FANCC: variants seen among roughly 807,000 people sequenced by gnomAD.
The protein encoded by FANCC is FA complementation group C, also known as Fanconi anemia group C protein.
FANCC carries 55 observed loss-of-function variants against 71.3 expected under a neutral mutation model. The ratio of observed to expected loss-of-function variants is 0.77; its 90% CI spans 0.62 to 0.97. The LOEUF is 0.97. Ranked by LOEUF, FANCC falls within the 50% of genes least tolerant of loss-of-function variation. FANCC has a pLI of 0.00. For synonymous variants in FANCC, 275 were observed against 244.9 expected, an observed-to-expected ratio of 1.12 and a Z score of -1.15; for missense variants, 678 against 670.9, an observed-to-expected ratio of 1.01 and a Z score of -0.12.
intron 1 of FANCC, among the ~76,000 whole-genome samples, chr9:95,297,107 C>T (rs916922765): frequency 6.6e-6 from 1 of 152,322 alleles, no homozygotes; most frequent in African/African-American, 2.4e-5. Flanking sequence ...AGAGACCTGA[C>T]ACTGAGAACT....
rs1825707101 is a variant in FANCC at position 95,171,967 on chromosome 9, CATTTA to C, written c.456+65_456+69del. The C allele has an allele frequency of 6.3e-6, 6 of 952,728 alleles. No homozygotes were observed. The African/African-American group carries it at 9.8e-5, about 16-fold the overall frequency. The allele number at this position is 952,728 out of a possible 1,614,324, so 59.0% of individuals were successfully genotyped here. On this transcript the variant is annotated intron_variant, in intron 5 of 14. Coordinates refer to ENST00000289081, the MANE Select transcript of FANCC (RefSeq NM_000136.3). ...CTCTTCTGGAGGACTGAAATATTTC[CATTTA>C]CTCTTTTTGCTGATGGCACATTCAG...
chr9:95,237,430 C>T (rs1830386253), intron 4 of FANCC, among the ~76,000 whole-genome samples: 1 of 152,200 alleles, frequency 6.6e-6, no homozygotes, highest in African/African-American at 2.4e-5. Flanking sequence ...TGTTTCCCTC[C>T]ACCTCTCACT....
chr9:95,248,408 T>C (rs1196639466), intron 2 of FANCC, among the ~76,000 whole-genome samples: 2 of 152,328 alleles, frequency 1.3e-5, no homozygotes, highest in Non-Finnish European at 2.9e-5. Context: ...ACACAGACTG[T>C]ATCTTTCCTT....
At chr9:95,181,859 TC>T (rs1216760373) in intron 4 of FANCC, among the ~76,000 whole-genome samples, 2 of 152,254 alleles carry the variant, frequency 1.3e-5, no homozygotes, top group African/African-American at 4.8e-5. Context: ...GAGTGAACTT[TC>T]CTAAGAAGGG....
chr9:95,260,208 A>G (rs1262080156), intron 1 of FANCC, among the ~76,000 whole-genome samples: 2 of 152,208 alleles, frequency 1.3e-5, no homozygotes, highest in Non-Finnish European at 2.9e-5. Flanking sequence ...AGGATTATAA[A>G]TCATCCTGCT....
intron 1 of FANCC, among the ~76,000 whole-genome samples, chr9:95,270,679 G>A (rs909628474): frequency 1.3e-4 from 20 of 152,206 alleles, no homozygotes; most frequent in Admixed American, 1.0e-3. Flanking sequence ...GGTGATACAT[G>A]GACAAATTCT....
In FANCC at chr9:95,303,840, C is replaced by A. The variant is rs543180163; in HGVS notation, c.-79+13686G>T. Among the ~76,000 whole-genome samples, 8 of 152,316 alleles carry A rather than the reference C, an allele frequency of 5.3e-5. No homozygotes were observed. The East Asian group carries it at 1.2e-3, about 22-fold the overall frequency. On this transcript the variant is annotated intron_variant, in intron 1 of 14. Transcript: ENST00000289081. Reference sequence around the variant, plus strand: ...GGACACAATTCAGCCCATAACACAACCCTCTACTCTTCCTTAATTAGCTTT... The same window carrying A: ...GGACACAATTCAGCCCATAACACAAACCTCTACTCTTCCTTAATTAGCTTT...
At chr9:95,316,629 G>T (rs544149167) in intron 1 of FANCC, among the ~76,000 whole-genome samples, 1 of 152,158 alleles carries the variant, frequency 6.6e-6, no homozygotes, top group African/African-American at 2.4e-5. Context: ...TTTCAGATTA[G>T]AACAAAAGTC....
Position 95,240,726 on chromosome 9 carries a change from G to T in FANCC, c.268C>A (p.Leu90Ile), listed in dbSNP as rs2136049561. ...ILAYDESQKI[L>I]IWCLCCLINK... ...ATTAGACAACATAAGCACCATATTA[G>T]AATTTTTTGGCTTTCATCTACAAAA... Residue 90 changes from leucine (L) to isoleucine (I), a missense_variant, in exon 4 of 15, where the codon CTA (leucine) becomes ATA (isoleucine). By Grantham distance (5) the Leu-to-Ile change is conservative. Transcript: ENST00000289081. 6.2e-7 allele frequency: 1 copy of T among 1,611,446 alleles called. No homozygotes were observed. The highest frequency in any genetic ancestry group is 8.5e-7 in the Non-Finnish European group (1 of 1,178,438).
intron 4 of FANCC, among the ~76,000 whole-genome samples, chr9:95,201,484 A>G (rs1223329743): frequency 6.6e-6 from 1 of 152,222 alleles, no homozygotes; most frequent in African/African-American, 2.4e-5. Flanking sequence ...CAAGTCTTGA[A>G]GCCCACACTT....
intron 4 of FANCC, among the ~76,000 whole-genome samples, chr9:95,176,379 C>A (rs1160337059): frequency 6.6e-6 from 1 of 152,216 alleles, no homozygotes; most frequent in African/African-American, 2.4e-5. Flanking sequence ...CACCAGCACA[C>A]CCCACACCCG....
At chr9:95,269,558 C>T (rs1832599401) in intron 1 of FANCC, among the ~76,000 whole-genome samples, 1 of 152,192 alleles carries the variant, frequency 6.6e-6, no homozygotes, top group Admixed American at 6.5e-5. Flanking sequence ...ATTGCTTCTG[C>T]TGTGCTGTGT....
chr9:95,108,170 C>G (rs1466659230), intron 13 of FANCC, among the ~76,000 whole-genome samples: 1 of 152,090 alleles, frequency 6.6e-6, no homozygotes, highest in African/African-American at 2.4e-5. Flanking sequence ...AGGCCTCATT[C>G]AATGAAGTCT....
intron 4 of FANCC, among the ~76,000 whole-genome samples, chr9:95,239,674 TAA>T (rs1270975373): frequency 1.3e-5 from 2 of 152,230 alleles, no homozygotes; most frequent in Non-Finnish European, 2.9e-5. Flanking sequence ...TCCTTCCAAT[TAA>T]AGTTTGTATT....
At chr9:95,159,454 C>T (rs1387388795) in intron 6 of FANCC, among the ~76,000 whole-genome samples, 1 of 152,130 alleles carries the variant, frequency 6.6e-6, no homozygotes, top group African/African-American at 2.4e-5. Flanking sequence ...TAGGTTCATT[C>T]CAAGTCTTTG....
At chr9:95,136,756 A>G (rs2135194488) in intron 7 of FANCC, among the ~76,000 whole-genome samples, 1 of 152,324 alleles carries the variant, frequency 6.6e-6, no homozygotes, top group South Asian at 2.1e-4. Flanking sequence ...AATGTTGGGA[A>G]TACAGGCCTG....
intron 13 of FANCC, chr9:95,110,435 C>T (rs144353648): frequency 7.8e-5 from 80 of 1,023,030 alleles, no homozygotes; most frequent in East Asian, 3.2e-4. Context: ...CTTAGCTTAA[C>T]GTGATCTTTT....
intron 4 of FANCC, among the ~76,000 whole-genome samples, chr9:95,221,299 A>T (rs575859557): frequency 6.6e-6 from 1 of 152,328 alleles, no homozygotes; most frequent in South Asian, 2.1e-4. Context: ...AACAAATGGA[A>T]ATCTAGACCC....
chr9:95,116,968 C>G (rs2072470807), intron 11 of FANCC, among the ~76,000 whole-genome samples: 1 of 152,238 alleles, frequency 6.6e-6, no homozygotes, highest in Admixed American at 6.5e-5. Flanking sequence ...AACGAATGTA[C>G]TGTTTTATTC....
Sources: gnomAD v4.1 joint callset for allele counts (sites outside exome capture counted in the v4.1 genomes callset) on GRCh38, gnomAD v4.1.1 for gene constraint, MANE v1.5 for transcripts, NCBI Gene and HGNC (gene_info 2026-07-23, HGNC 2026-07-21) for gene names.